Variants in GPC6 observed in about 807,000 individuals in gnomAD.
The protein encoded by GPC6 is glypican 6, also known as glypican-6.
A neutral mutation model predicts 55.2 loss-of-function variants in GPC6; 14 were observed. The ratio of observed to expected loss-of-function variants is 0.25; its 90% CI spans 0.17 to 0.40. The LOEUF (loss-of-function observed/expected upper bound fraction) is 0.40. Ranked by LOEUF, GPC6 falls within the 10% of genes least tolerant of loss-of-function variation. GPC6 has a pLI of 1.00. For missense variants in GPC6, 641 were observed against 708.5 expected, an observed-to-expected ratio of 0.90 and a Z score of 1.08; for synonymous variants, 278 against 259.6, an observed-to-expected ratio of 1.07 and a Z score of -0.68.
intron 3 of GPC6, among the ~76,000 whole-genome samples, chr13:93,854,542 C>T (rs568712745): frequency 3.3e-5 from 5 of 151,558 alleles, no homozygotes; most frequent in African/African-American, 4.8e-5. Flanking sequence ...TGAAATCACA[C>T]GTGAAGATTT....
chr13:93,285,508 A>G (rs1878081756), intron 1 of GPC6, among the ~76,000 whole-genome samples: 1 of 152,130 alleles, frequency 6.6e-6, no homozygotes, highest in Admixed American at 6.6e-5. Context: ...GTTTATATAC[A>G]GTATTTAACA....
At chr13:94,102,343 C>A (rs1885895083) in intron 4 of GPC6, among the ~76,000 whole-genome samples, 1 of 152,088 alleles carries the variant, frequency 6.6e-6, no homozygotes, top group Non-Finnish European at 1.5e-5. Flanking sequence ...TTTCCATCCC[C>A]TATTCTATAA....
At chr13:93,317,815 CT>C (rs1478461375) in intron 1 of GPC6, among the ~76,000 whole-genome samples, 2 of 152,038 alleles carry the variant, frequency 1.3e-5, no homozygotes, top group African/African-American at 4.8e-5. Flanking sequence ...TACAGTCTGT[CT>C]TTTTTCCTTT....
intron 4 of GPC6, among the ~76,000 whole-genome samples, chr13:94,114,725 TGAAAAA>T (rs1886373153): frequency 6.6e-6 from 1 of 151,990 alleles, no homozygotes; most frequent in Admixed American, 6.6e-5. Context: ...ACAACCAAGG[TGAAAAA>T]GATAAGACCA....
At chr13:93,801,290 A>G (rs1315195638) in intron 2 of GPC6, among the ~76,000 whole-genome samples, 3 of 152,180 alleles carry the variant, frequency 2.0e-5, no homozygotes, top group Admixed American at 6.6e-5. Flanking sequence ...GTATTTAAAC[A>G]TAAAGACTAG....
chr13:93,412,663 A>C (rs1476453113), intron 1 of GPC6, among the ~76,000 whole-genome samples: 1 of 147,398 alleles, frequency 6.8e-6, no homozygotes, highest in Admixed American at 6.7e-5. Flanking sequence ...TCTCAAAAAC[A>C]AACAAACAAA....
At chr13:94,030,923 C>G (rs1018635504) in intron 4 of GPC6, among the ~76,000 whole-genome samples, 1 of 152,182 alleles carries the variant, frequency 6.6e-6, no homozygotes, top group African/African-American at 2.4e-5. Context: ...GTGTCTGGAT[C>G]ATGTCAAAAG....
At chr13:94,273,430 G>A (rs533409720) in intron 4 of GPC6, among the ~76,000 whole-genome samples, 8 of 152,026 alleles carry the variant, frequency 5.3e-5, no homozygotes, top group Non-Finnish European at 1.0e-4. Flanking sequence ...GTGCCCATGT[G>A]GTAAGAACAG....
intron 2 of GPC6, among the ~76,000 whole-genome samples, chr13:93,571,771 A>G (rs1404191641): frequency 6.6e-6 from 1 of 152,122 alleles, no homozygotes; most frequent in Non-Finnish European, 1.5e-5. Context: ...TTGCTTATAT[A>G]GGTATTTTCT....
intron 4 of GPC6, among the ~76,000 whole-genome samples, chr13:94,268,782 A>T (rs1288175219): frequency 1.3e-5 from 2 of 152,214 alleles, no homozygotes; most frequent in Non-Finnish European, 2.9e-5. Context: ...TTTGACAAAG[A>T]CAACAAAGAT....
At chr13:94,252,612 C>A (rs7982573) in intron 4 of GPC6, among the ~76,000 whole-genome samples, 37,409 of 151,860 alleles carry the variant, frequency 0.25, 4,730 homozygotes, top group African/African-American at 0.26. Flanking sequence ...CCCACCACCA[C>A]CAACAACAAC....
chr13:94,288,738 AATATATATATAATATATATAATAAAT>A (rs1401128351), intron 5 of GPC6, among the ~76,000 whole-genome samples: 8 of 132,182 alleles, frequency 6.1e-5, no homozygotes, highest in African/African-American at 1.4e-4. Context: ...ATATATAACA[AATATATATATAATATATATAATAAAT>A]ATATATATAT....
chr13:93,460,979 G>C (rs1878660909), intron 1 of GPC6, among the ~76,000 whole-genome samples: 1 of 152,034 alleles, frequency 6.6e-6, no homozygotes, highest in Non-Finnish European at 1.5e-5. Context: ...ATAAAATGAG[G>C]GCTCCATCAG....
chr13:94,386,175 T>C (rs74654008), intron 7 of GPC6, among the ~76,000 whole-genome samples: 56 of 151,854 alleles, frequency 3.7e-4, no homozygotes, highest in East Asian at 3.3e-3. Flanking sequence ...CTGGCTAACA[T>C]GGTGAAACCC....
At chr13:93,314,550 G>A (rs1265578465) in intron 1 of GPC6, among the ~76,000 whole-genome samples, 1 of 152,146 alleles carries the variant, frequency 6.6e-6, no homozygotes, top group Non-Finnish European at 1.5e-5. Context: ...CATGAGTTCT[G>A]TCTTTGGTAT....
chr13:93,884,317 A>G (rs1875192176), intron 3 of GPC6, among the ~76,000 whole-genome samples: 2 of 152,102 alleles, frequency 1.3e-5, no homozygotes, highest in African/African-American at 4.8e-5. Context: ...TCGTTTCTGT[A>G]GAATATGTAG....
intron 1 of GPC6, among the ~76,000 whole-genome samples, chr13:93,346,283 AG>A (rs1303717236): frequency 5.9e-5 from 9 of 152,212 alleles, no homozygotes. Flanking sequence ...TTAGGCAAGT[AG>A]TGCAGTAAAG....
chr13:94,194,032 A>C (rs777519175), intron 4 of GPC6, among the ~76,000 whole-genome samples: 40 of 152,330 alleles, frequency 2.6e-4, no homozygotes, highest in South Asian at 6.2e-4. Flanking sequence ...GATTACTTTG[A>C]TGTATGGGAA....
intron 1 of GPC6, among the ~76,000 whole-genome samples, chr13:93,297,273 A>T (rs1428709621): frequency 2.0e-5 from 3 of 151,938 alleles, no homozygotes; most frequent in African/African-American, 7.3e-5. Context: ...GTTTAGTGAG[A>T]CTCCATCTCT....
Sources: gnomAD v4.1 joint callset for allele counts (sites outside exome capture counted in the v4.1 genomes callset) on GRCh38, gnomAD v4.1.1 for gene constraint, MANE v1.5 for transcripts, NCBI Gene and HGNC (gene_info 2026-07-23, HGNC 2026-07-21) for gene names.